The following ZNF792 variants were observed in gnomAD, a reference collection of about 807,000 sequenced individuals.
ZNF792 encodes zinc finger protein 792.
Under a neutral mutation model 13.1 loss-of-function variants are expected in ZNF792, and 14 were observed. That is an observed-to-expected ratio of 1.07 (90% CI 0.71 to 1.67). ZNF792 has a LOEUF of 1.67. Among genes scored for constraint, ZNF792 ranks in the 40% most tolerant of loss-of-function variants. The pLI is 0.00. For missense variants in ZNF792, 740 were observed against 807.9 expected (o/e 0.92, Z 1.02); for synonymous variants, 257 against 292.0 (o/e 0.88, Z 1.22).
Position 34,958,422 on chromosome 19 carries a change from T to G in ZNF792, c.1433A>C (p.Tyr478Ser). 1 of 1,613,106 alleles carries G rather than the reference T, an allele frequency of 6.2e-7. No individual in the cohort carries two copies. The highest frequency in any genetic ancestry group is 1.3e-5 in the African/African-American group (1 of 75,010). Residue 478 changes from tyrosine to serine, a missense_variant, in exon 4 of 4, where the codon TAT (tyrosine) becomes TCT (serine). By Grantham distance (144) the Tyr-to-Ser change is moderately radical. Transcript: ENST00000404801. Reference sequence around the variant, plus strand: ...TAACTTCCCACATTCATTGCATTCATAAGGCCGCTCACCAGTGTGAACTCG... The same window carrying G: ...TAACTTCCCACATTCATTGCATTCAGAAGGCCGCTCACCAGTGTGAACTCG... Reference protein sequence around the residue: ...HQRVHTGERPYECNECGKLFS... With the variant: ...HQRVHTGERPSECNECGKLFS...
chr19:34,963,708 G>A lies in ZNF792; in HGVS notation c.-46C>T. ...GGGCCCCACGGTGCGGGAAACCACGGGGCGGGGGTAGGGGGTCTCGCAGGC... is the reference window on the plus strand; with the variant it reads ...GGGCCCCACGGTGCGGGAAACCACGAGGCGGGGGTAGGGGGTCTCGCAGGC... On this transcript the variant is annotated 5_prime_UTR_variant, in exon 1 of 4. Transcript: ENST00000404801. The A allele has an allele frequency of 1.9e-6, 3 of 1,540,148 alleles. No individual in the cohort carries two copies. Among genetic ancestry groups the A allele is most frequent in the Admixed American group, 2.2e-5 (1 of 45,596 alleles).
At position 34,960,257 on chromosome 19, in the gene ZNF792, C is replaced by A. The variant is rs1417728476; in HGVS notation, c.261G>T (p.Gly87=). Reference sequence around the variant, plus strand: ...TACCAGAGCCAGGCCTGCCATAAGCCCCTCTGGCCATGGCTGATGTCATAT... The same window carrying A: ...TACCAGAGCCAGGCCTGCCATAAGCACCTCTGGCCATGGCTGATGTCATAT... ...SVDMTSAMAR[G]AYGRPGSDFC... Residue 87 remains glycine, a synonymous_variant, in exon 3 of 4, where the codon GGG becomes GGT. Coordinates refer to ENST00000404801, the MANE Select transcript of ZNF792 (RefSeq NM_175872.5). 1 of 1,613,760 alleles carries A rather than the reference C, an allele frequency of 6.2e-7. No homozygotes were observed. Among genetic ancestry groups the A allele is most frequent in the Non-Finnish European group, 8.5e-7 (1 of 1,179,802 alleles).
chr19:34,959,212 C>A lies in ZNF792; in HGVS notation c.643G>T (p.Gly215Cys). The change falls in exon 4 of 4, where the codon GGT becomes TGT. Residue 215 changes from glycine to cysteine, a missense_variant. By Grantham distance (159) the Gly-to-Cys change is radical. Coordinates refer to ENST00000404801, the MANE Select transcript of ZNF792 (RefSeq NM_175872.5). ...TSDQLSTCRE[G>C]GKDFVATAGF... ...GCTGTGGCCACAAAGTCCTTCCCAC[C>A]CTCCCTGCAGGTGGAAAGCTGATCT... 6.2e-7 allele frequency: 1 copy of A among 1,613,998 alleles called. No homozygotes were observed. The highest frequency in any genetic ancestry group is 8.5e-7 in the Non-Finnish European group (1 of 1,179,896).
rs112637482 is a variant in ZNF792, at chr19:34,958,052, T to C, written c.1803A>G (p.Thr601=). 10,512 of 1,612,768 alleles carry C rather than the reference T, an allele frequency of 6.5e-3. 104 individuals are homozygous for C. The highest frequency in any genetic ancestry group is 0.036 in the Middle Eastern group (218 of 6,056). Residue 601 remains threonine (T), a synonymous_variant, in exon 4 of 4, where the codon ACA becomes ACG. Coordinates refer to ENST00000404801, the MANE Select transcript of ZNF792 (RefSeq NM_175872.5). The part of the protein sequence containing the change: ...ENVLLPCSQH[T]PEISSENRPY... ...GTCTGTTCTCAGAGCTTATCTCTGGTGTGTGCTGTGAACAGGGAAGGAGCA... is the reference window on the plus strand; with the variant it reads ...GTCTGTTCTCAGAGCTTATCTCTGGCGTGTGCTGTGAACAGGGAAGGAGCA...
At chr19:34,962,144 C>T (rs1422227223) in intron 1 of ZNF792, among the ~76,000 whole-genome samples, 2 of 152,196 alleles carry the variant, frequency 1.3e-5, no homozygotes, top group African/African-American at 4.8e-5. Flanking sequence ...ATCATTGTCA[C>T]CATGACCTGA....
intron 1 of ZNF792, among the ~76,000 whole-genome samples, chr19:34,963,104 C>T (rs1053141798): frequency 1.3e-5 from 2 of 152,130 alleles, no homozygotes; most frequent in African/African-American, 2.4e-5. Flanking sequence ...TCCCTGCTTG[C>T]GGCTCACTCC....
At chr19:34,962,908 C>T (rs548664134) in intron 1 of ZNF792, among the ~76,000 whole-genome samples, 1 of 152,294 alleles carries the variant, frequency 6.6e-6, no homozygotes, top group Admixed American at 6.5e-5. Flanking sequence ...GTTCATAAAG[C>T]TGGATTCATC....
At position 34,958,596 on chromosome 19, in the gene ZNF792, C is replaced by T. The variant is rs2013473609; in HGVS notation, c.1259G>A (p.Arg420Lys). Residue 420 changes from arginine to lysine, a missense_variant, in exon 4 of 4, where the codon AGA (arginine) becomes AAA (lysine). Arg to Lys is a conservative substitution (Grantham distance 26). Coordinates refer to ENST00000404801, the MANE Select transcript of ZNF792 (RefSeq NM_175872.5). ...CCCACATTCGTTACACTTGTAAGGT[C>T]TTTCTCCAGTGTGAACTCTCCAATG... The part of the protein sequence containing the change: ...IKHWRVHTGE[R>K]PYKCNECGKF... 6.2e-7 allele frequency: 1 copy of T among 1,608,894 alleles called. No individual in the cohort carries two copies. The highest frequency in any genetic ancestry group is 2.2e-5 in the East Asian group (1 of 44,844).
At position 34,959,105 on chromosome 19, in the gene ZNF792, T is replaced by G; in HGVS notation, c.750A>C (p.Ala250=). The G allele has an allele frequency of 6.2e-7, 1 of 1,614,072 alleles. No homozygotes were observed. The highest frequency in any genetic ancestry group is 2.2e-5 in the East Asian group (1 of 44,880). Residue 250 remains alanine, a synonymous_variant, in exon 4 of 4, where the codon GCA becomes GCC. Coordinates refer to ENST00000404801, the MANE Select transcript of ZNF792 (RefSeq NM_175872.5). ...ATEGVVDFHI[A]LRHNKCCESG... ...ATTCACAGCACTTGTTATGCCTTAG[T>G]GCAATGTGAAAATCCACCACACCTT...
In ZNF792 at chr19:34,958,960, G is replaced by C. The variant is rs2013482119; in HGVS notation, c.895C>G (p.Gln299Glu). Residue 299 changes from glutamine (Q) to glutamate (E), a missense_variant, in exon 4 of 4, where the codon CAA becomes GAA. Coordinates refer to ENST00000404801, the MANE Select transcript of ZNF792 (RefSeq NM_175872.5). ...IFFTYAADLT[Q>E]HQKVHNRGKP... The stretch of plus-strand genomic sequence containing the variant: ...CCTCTATTGTGAACTTTCTGGTGTT[G>C]AGTGAGGTCAGCGGCGTAAGTGAAG... The C allele has an allele frequency of 6.2e-7, 1 of 1,614,034 alleles. No individual in the cohort carries two copies. The highest frequency in any genetic ancestry group is 8.5e-7 in the Non-Finnish European group (1 of 1,180,016).
chr19:34,963,217 G>A (rs933660347), intron 1 of ZNF792, among the ~76,000 whole-genome samples: 2 of 152,014 alleles, frequency 1.3e-5, no homozygotes, highest in Non-Finnish European at 2.9e-5. Context: ...AACACCCTCA[G>A]AACAGAGGCC....
At chr19:34,961,149 G>A (rs1306084711) in intron 1 of ZNF792, among the ~76,000 whole-genome samples, 155 bp from the exon 2 acceptor site, 1 of 152,116 alleles carries the variant, frequency 6.6e-6, no homozygotes, top group Admixed American at 6.5e-5. Flanking sequence ...TCAGCCCGCA[G>A]CAGCAACAGG....
At chr19:34,960,475 A>G (rs1044271004) in intron 2 of ZNF792, 118 bp from the exon 3 acceptor site, 1 of 1,275,060 alleles carries the variant, frequency 7.8e-7, no homozygotes, top group African/African-American at 1.5e-5. Flanking sequence ...CACGGCAAGC[A>G]GTAACCACAT....
At position 34,957,058 on chromosome 19, in the gene ZNF792, G is replaced by T. The variant is rs915158874; in HGVS notation, c.*898C>A. ...ATCCAGTGTTTCTGTACAAATTATG[G>T]TCCCAGCTGGGCCTGGTATGTCTTA... On this transcript the variant is annotated 3_prime_UTR_variant, in exon 4 of 4. Transcript: ENST00000404801. The T allele has an allele frequency of 6.6e-5, 10 of 152,160 alleles. No homozygotes were observed. The highest frequency in any genetic ancestry group is 2.4e-4 in the African/African-American group (10 of 41,418). 9.4% of individuals were successfully genotyped at this position (152,160 alleles called of 1,614,324 possible).
In ZNF792 at chr19:34,957,890, G is replaced by A. The variant is rs766485139; in HGVS notation, c.*66C>T. On this transcript the variant is annotated 3_prime_UTR_variant, in exon 4 of 4. Transcript: ENST00000404801. ...ATCACAACCCCAGCAGTGAAAAAAC[G>A]CTGATAAACTCTACAGTAAGAGAAT... 14 of 1,471,166 alleles carry A rather than the reference G, an allele frequency of 9.5e-6. No homozygotes were observed. Among genetic ancestry groups the A allele is most frequent in the South Asian group, 5.7e-5 (4 of 70,080 alleles). 91.1% of individuals were successfully genotyped at this position (1,471,166 alleles called of 1,614,324 possible).
At chr19:34,961,572 A>T (rs2013528392) in intron 1 of ZNF792, among the ~76,000 whole-genome samples, 1 of 152,024 alleles carries the variant, frequency 6.6e-6, no homozygotes, top group Non-Finnish European at 1.5e-5. Flanking sequence ...GGTAAGGGGG[A>T]GAGGGAGCGC....
chr19:34,963,450 T>A (rs1332434961), intron 1 of ZNF792, among the ~76,000 whole-genome samples, 180 bp downstream of exon 1: 1 of 151,986 alleles, frequency 6.6e-6, no homozygotes, highest in African/African-American at 2.4e-5. Context: ...CCACTTTATA[T>A]AAACCCTGCC....
chr19:34,960,440 G>T, intron 2 of ZNF792, 83 bp from the exon 3 acceptor site: 1 of 1,525,058 alleles, frequency 6.6e-7, no homozygotes, highest in Non-Finnish European at 8.8e-7. Flanking sequence ...AGGAAGCTCC[G>T]TATGACACAG....
rs767660968 is a variant in ZNF792 at position 34,957,685 on chromosome 19, T to C, written c.*271A>G. The C allele has an allele frequency of 1.3e-4, 50 of 385,018 alleles. No individual in the cohort carries two copies. Among genetic ancestry groups the C allele is most frequent in the Non-Finnish European group, 9.7e-5 (21 of 216,456 alleles). The allele number at this position is 385,018 out of a possible 1,614,324, so 23.9% of individuals were successfully genotyped here. On this transcript the variant is annotated 3_prime_UTR_variant, in exon 4 of 4. Transcript: ENST00000404801. ...TCAGGTCTTCACAGCCAAAAGCTGGTCATGTCCATGGCTAAACCAGCCATA... is the reference window on the plus strand; with the variant it reads ...TCAGGTCTTCACAGCCAAAAGCTGGCCATGTCCATGGCTAAACCAGCCATA...
Sources: allele counts gnomAD v4.1 joint callset (sites outside exome capture counted in the v4.1 genomes callset), GRCh38; gene constraint gnomAD v4.1.1; transcripts MANE v1.5; gene names NCBI Gene and HGNC (gene_info 2026-07-23, HGNC 2026-07-21).